The following CYP26C1 variants were observed in gnomAD, a reference collection of about 807,000 sequenced individuals.
CYP26C1 encodes the protein cytochrome P450 family 26 subfamily C member 1, also known as cytochrome P450 26C1.
A neutral mutation model predicts 39.1 loss-of-function variants in CYP26C1; 41 were observed. The observed-to-expected ratio is 1.05, with a 90% CI of 0.82 to 1.36. The LOEUF is 1.36. CYP26C1 is among the 40% of genes most tolerant of loss of function. The pLI is 0.00. For synonymous variants in CYP26C1, 362 were observed against 350.8 expected, an observed-to-expected ratio of 1.03 and a Z score of -0.36; for missense variants, 833 against 752.0, an observed-to-expected ratio of 1.11 and a Z score of -1.26.
chr10:93,068,175 A>G, intron 5 of CYP26C1, 145 bp from the exon 6 acceptor site: 3 of 982,812 alleles, frequency 3.1e-6, no homozygotes, highest in East Asian at 5.9e-5. Context: ...ATTGGAACAC[A>G]GAGCTTTCTC....
rs950625992 is a variant in CYP26C1, at chr10:93,062,862, G to C, written c.572G>C (p.Arg191Pro). 2 of 1,601,310 alleles carry C rather than the reference G, an allele frequency of 1.2e-6. No individual in the cohort carries two copies. The highest frequency in any genetic ancestry group is 2.7e-5 in the African/African-American group (2 of 74,676). Reference sequence around the variant, plus strand: ...GACGCCTCCAAAGCGCTCACCTTCCGCATGGCCGCGCGCATCCTGCTGGGG... The same window carrying C: ...GACGCCTCCAAAGCGCTCACCTTCCCCATGGCCGCGCGCATCCTGCTGGGG... ...VYDASKALTF[R>P]MAARILLGLR... Residue 191 changes from arginine (R) to proline (P), a missense_variant, in exon 3 of 6, where the codon CGC (arginine) becomes CCC (proline). Coordinates refer to ENST00000651965, the MANE Select transcript of CYP26C1 (RefSeq NM_183374.3).
Position 93,064,397 on chromosome 10 carries a change from A to C in CYP26C1, c.722A>C (p.Asp241Ala), listed in dbSNP as rs1217888705. 1.9e-6 allele frequency: 3 copies of C among 1,613,794 alleles called. No homozygotes were observed. Among genetic ancestry groups the C allele is most frequent in the Non-Finnish European group, 2.5e-6 (3 of 1,179,922 alleles). The change falls in exon 4 of 6, where the codon GAC (aspartate) becomes GCC (alanine). Residue 241 changes from aspartate (D) to alanine (A), a missense_variant. By Grantham distance (126) the Asp-to-Ala change is moderately radical (BLOSUM62 -2). Coordinates refer to ENST00000651965, the MANE Select transcript of CYP26C1 (RefSeq NM_183374.3). Reference protein sequence around the residue: ...SGLRKGIRARDQLHRHLEGAI... With the variant: ...SGLRKGIRARAQLHRHLEGAI... The stretch of plus-strand genomic sequence containing the variant: ...GAACATCAGGGCATCCGGGCAAGGG[A>C]CCAGCTGCATCGGCACCTGGAGGGG...
At chr10:93,068,160 T>C (rs569610706) in intron 5 of CYP26C1, among the ~76,000 whole-genome samples, 160 bp from the exon 6 acceptor site, 5 of 152,038 alleles carry the variant, frequency 3.3e-5, no homozygotes, top group African/African-American at 1.2e-4. Flanking sequence ...AGTGAAGGAG[T>C]TGAGATTGGA....
At chr10:93,062,600 T>C in intron 2 of CYP26C1, 120 bp from the exon 3 acceptor site, 2 of 930,844 alleles carry the variant, frequency 2.1e-6, no homozygotes, top group Non-Finnish European at 3.0e-6. Context: ...AGCCAGGAAG[T>C]TTAGGTCTGG....
Position 93,068,811 on chromosome 10 carries a change from A to G in CYP26C1, c.*114A>G, listed in dbSNP as rs563178362. ...CGCCCACTCTTTCACTCGTTCAACA[A>G]TCTTTCAACAAATGTTCGCCAAACG... On this transcript the variant is annotated 3_prime_UTR_variant, in exon 6 of 6. Transcript: ENST00000651965. 1.7e-3 allele frequency: 2,316 copies of G among 1,389,978 alleles called. 4 individuals are homozygous for G. The highest frequency in any genetic ancestry group is 4.6e-3 in the Middle Eastern group (17 of 3,732). The allele number at this position is 1,389,978 out of a possible 1,614,324, so 86.1% of individuals were successfully genotyped here.
intron 4 of CYP26C1, 64 bp from the exon 5 acceptor site, chr10:93,065,892 T>C: frequency 7.0e-7 from 1 of 1,430,200 alleles, no homozygotes; most frequent in Non-Finnish European, 9.2e-7. Flanking sequence ...CACGGGGCCG[T>C]CGGGTCAGCG....
intron 3 of CYP26C1, chr10:93,063,249 T>C: frequency 8.2e-7 from 1 of 1,226,506 alleles, no homozygotes; most frequent in Non-Finnish European, 1.0e-6. Flanking sequence ...CGCGACGCGC[T>C]CCAGCCTGAG....
At chr10:93,067,406 C>T (rs571799187) in intron 5 of CYP26C1, among the ~76,000 whole-genome samples, 2 of 152,318 alleles carry the variant, frequency 1.3e-5, no homozygotes, top group East Asian at 3.9e-4. Flanking sequence ...GTCTTGAATG[C>T]GGAATCAGTC....
chr10:93,062,074 G>A lies in CYP26C1; in HGVS notation c.269G>A (p.Gly90Asp). ...YGTVFKTHLL[G>D]RPVIRVSGAE... The stretch of plus-strand genomic sequence containing the variant: ...ACAGTGTTCAAGACGCACCTGCTGG[G>A]CAGGCCAGTGATCCGCGTGAGCGGC... Residue 90 changes from glycine (G) to aspartate (D), a missense_variant, in exon 2 of 6, where the codon GGC becomes GAC. Gly to Asp is a moderately conservative substitution (Grantham distance 94). Coordinates refer to ENST00000651965, the MANE Select transcript of CYP26C1 (RefSeq NM_183374.3). The A allele has an allele frequency of 6.3e-7, 1 of 1,579,938 alleles. No individual in the cohort carries two copies.
chr10:93,066,312 C>T lies in CYP26C1; in HGVS notation c.1191+27C>T, dbSNP rs1212968121. On this transcript the variant is annotated intron_variant, in intron 5 of 5. Transcript: ENST00000651965. ...TAAGTGCGCCGTGCCAGCCCATGGCCAGCCTCCTGCCTCCTGCCGCCTGCC... is the reference window on the plus strand; with the variant it reads ...TAAGTGCGCCGTGCCAGCCCATGGCTAGCCTCCTGCCTCCTGCCGCCTGCC... 3.1e-6 allele frequency: 4 copies of T among 1,302,996 alleles called. No homozygotes were observed. The East Asian group carries it at 1.2e-4, about 39-fold the overall frequency. 80.7% of individuals were successfully genotyped at this position (1,302,996 alleles called of 1,614,324 possible).
chr10:93,065,260 T>A (rs187635625), intron 4 of CYP26C1, among the ~76,000 whole-genome samples: 1 of 152,350 alleles, frequency 6.6e-6, no homozygotes, highest in East Asian at 1.9e-4. Flanking sequence ...ACCAGAGACA[T>A]CCCTGAAGGG....
intron 4 of CYP26C1, 123 bp downstream of exon 4, chr10:93,064,659 G>A: frequency 6.8e-7 from 1 of 1,479,564 alleles, no homozygotes; most frequent in South Asian, 1.4e-5. Flanking sequence ...CAGTCCTCAA[G>A]ATGAGGGGCA....
chr10:93,066,330 C>CGCCTGCT (rs528751110), intron 5 of CYP26C1, 45 bp downstream of exon 5: 7,119 of 307,018 alleles, frequency 0.023, 35 homozygotes, highest in Non-Finnish European at 0.028. Context: ...TGCCTCCTGC[C>CGCCTGCT]GCCTGCCGCC....
intron 5 of CYP26C1, among the ~76,000 whole-genome samples, chr10:93,067,170 C>T (rs1175296747): frequency 2.0e-5 from 3 of 152,256 alleles, no homozygotes; most frequent in African/African-American, 4.8e-5. Context: ...GGGATTCTAC[C>T]CTGGAGGGGC....
chr10:93,068,883 C>G lies in CYP26C1; in HGVS notation c.*186C>G. ...GAAGGAGGAGGGCGAGCCACCGCTGCCGCGCCAGAGAAGCATCTAAGCCCA... is the reference window on the plus strand; with the variant it reads ...GAAGGAGGAGGGCGAGCCACCGCTGGCGCGCCAGAGAAGCATCTAAGCCCA... On this transcript the variant is annotated 3_prime_UTR_variant, in exon 6 of 6. Coordinates refer to ENST00000651965, the MANE Select transcript of CYP26C1 (RefSeq NM_183374.3). 9.4e-7 allele frequency: 1 copy of G among 1,061,714 alleles called. No individual in the cohort carries two copies. The highest frequency in any genetic ancestry group is 1.7e-5 in the African/African-American group (1 of 60,464). 65.8% of individuals were successfully genotyped at this position (1,061,714 alleles called of 1,614,324 possible).
rs1410093928 is a variant in CYP26C1, at chr10:93,062,140, T to C, written c.335T>C (p.Leu112Pro). Reference sequence around the variant, plus strand: ...ACCATCCTGCTGGGCGAGCACCGCCTGGTGCGCAGCCAGTGGCCGCAGAGT... The same window carrying C: ...ACCATCCTGCTGGGCGAGCACCGCCCGGTGCGCAGCCAGTGGCCGCAGAGT... Reference protein sequence around the residue: ...VRTILLGEHRLVRSQWPQSAH... With the variant: ...VRTILLGEHRPVRSQWPQSAH... Residue 112 changes from leucine (L) to proline (P), a missense_variant, in exon 2 of 6, where the codon CTG becomes CCG. Coordinates refer to ENST00000651965, the MANE Select transcript of CYP26C1 (RefSeq NM_183374.3). The C allele has an allele frequency of 6.5e-7, 1 of 1,545,598 alleles. No individual in the cohort carries two copies. The highest frequency in any genetic ancestry group is 8.7e-7 in the Non-Finnish European group (1 of 1,147,644).
At position 93,062,197 on chromosome 10, in the gene CYP26C1, T is replaced by C; in HGVS notation, c.392T>C (p.Leu131Pro). The change falls in exon 2 of 6, where the codon CTA becomes CCA. Residue 131 changes from leucine to proline, a missense_variant. Physicochemically the swap from Leu to Pro is moderately conservative, Grantham distance 98. Coordinates refer to ENST00000651965, the MANE Select transcript of CYP26C1 (RefSeq NM_183374.3). The part of the protein sequence containing the change: ...AHILLGSHTL[L>P]GAVGEPHRRR... ...ATCCTGCTGGGCTCGCACACACTGC[T>C]AGGTGCGGTCGGCGAGCCGCACCGG... The C allele has an allele frequency of 6.5e-7, 1 of 1,528,688 alleles. No individual in the cohort carries two copies. 94.7% of individuals were successfully genotyped at this position (1,528,688 alleles called of 1,614,324 possible).
chr10:93,063,912 T>G (rs1027250289), intron 3 of CYP26C1: 5 of 986,972 alleles, frequency 5.1e-6, no homozygotes, highest in East Asian at 2.3e-4. Context: ...CATCCCCTAT[T>G]GCCCACGCTC....
At chr10:93,062,313 C>T in intron 2 of CYP26C1, 79 bp downstream of exon 2, 1 of 1,415,028 alleles carries the variant, frequency 7.1e-7, no homozygotes, top group Non-Finnish European at 9.4e-7. Flanking sequence ...GCCGGGGCCC[C>T]GGTGTTGGAT....
Sources: gnomAD v4.1 joint callset for allele counts (sites outside exome capture counted in the v4.1 genomes callset) on GRCh38, gnomAD v4.1.1 for gene constraint, MANE v1.5 for transcripts, NCBI Gene and HGNC (gene_info 2026-07-23, HGNC 2026-07-21) for gene names.